RABGAP1L: variants seen among roughly 807,000 people sequenced by gnomAD.
RABGAP1L encodes RAB GTPase activating protein 1 like, also known as rab GTPase-activating protein 1-like.
A neutral mutation model predicts 137.7 loss-of-function variants in RABGAP1L; 63 were observed. The observed-to-expected ratio is 0.46, with a 90% CI of 0.37 to 0.56. The LOEUF (loss-of-function observed/expected upper bound fraction) is 0.56. Ranked by LOEUF, RABGAP1L falls within the 20% of genes least tolerant of loss-of-function variation. The pLI is 0.00. For synonymous variants in RABGAP1L, 431 were observed against 433.7 expected, an observed-to-expected ratio of 0.99 and a Z score of 0.08; for missense variants, 1,095 against 1,244.0, an observed-to-expected ratio of 0.88 and a Z score of 1.80.
intron 4 of RABGAP1L, among the ~76,000 whole-genome samples, chr1:174,239,485 T>A (rs1442814663): frequency 6.6e-6 from 1 of 152,218 alleles, no homozygotes; most frequent in African/African-American, 2.4e-5. Context: ...CCAATGCTTT[T>A]TGTTTCATCT....
In RABGAP1L at chr1:174,173,063, A is replaced by G. The variant is rs1163896821; in HGVS notation, c.-34+13406A>G. Among the ~76,000 whole-genome samples, 3 of 152,234 alleles carry G rather than the reference A, an allele frequency of 2.0e-5. No homozygotes were observed. The East Asian group carries it at 5.8e-4, about 29-fold the overall frequency. Reference sequence around the variant, plus strand: ...AATGTCAGTTGCACTTAGATTGAATATAAATATATAATTATCTGAGTAAGA... The same window carrying G: ...AATGTCAGTTGCACTTAGATTGAATGTAAATATATAATTATCTGAGTAAGA... On this transcript the variant is annotated intron_variant, in intron 1 of 25. Coordinates refer to ENST00000681986, the MANE Select transcript of RABGAP1L (RefSeq NM_001366446.1).
At chr1:174,974,242 G>A (rs1019000729) in intron 21 of RABGAP1L, among the ~76,000 whole-genome samples, 1 of 151,460 alleles carries the variant, frequency 6.6e-6, no homozygotes. Context: ...AGCCTGCCTC[G>A]GCCTCCCAGG....
chr1:174,255,422 G>A (rs138624870), intron 7 of RABGAP1L, among the ~76,000 whole-genome samples: 1 of 152,316 alleles, frequency 6.6e-6, no homozygotes, highest in Non-Finnish European at 1.5e-5. Context: ...AACTAGTAGA[G>A]AGAAGACCTG....
intron 4 of RABGAP1L, among the ~76,000 whole-genome samples, chr1:174,232,509 C>T (rs368469252): frequency 1.2e-4 from 18 of 147,308 alleles, no homozygotes; most frequent in African/African-American, 4.3e-4. Flanking sequence ...AGTGGCCGGG[C>T]GCGGTGGCTC....
chr1:174,195,798 T>TTTCTTTCTTTCTTTCTTTCTTTCTATCC lies in RABGAP1L; in HGVS notation c.-33-23315_-33-23314insTTCTTTCTTTCTATCCTTCTTTCTTTCT, dbSNP rs1163421673. 4.0e-3 allele frequency among the ~76,000 whole-genome samples: 511 copies of TTTCTTTCTTTCTTTCTTTCTTTCTATCC among 128,470 alleles called. 5 individuals carry two copies. The highest frequency in any genetic ancestry group is 6.7e-3 in the South Asian group (24 of 3,590). The allele number at this position is 128,470 out of a possible 152,430, so 84.3% of individuals were successfully genotyped here. On this transcript the variant is annotated intron_variant, in intron 1 of 25. Coordinates refer to ENST00000681986, the MANE Select transcript of RABGAP1L (RefSeq NM_001366446.1). Reference sequence around the variant, plus strand: ...TTCCTTTCTTTCTTTTCTTTCTTTCTTTCTTTCTTTCTATCCTTCTTTCTT... The same window carrying TTTCTTTCTTTCTTTCTTTCTTTCTATCC: ...TTCCTTTCTTTCTTTTCTTTCTTTCTTTCTTTCTTTCTTTCTTTCTTTCTATCCTTCTTTCTTTCTATCCTTCTTTCTT...
chr1:174,759,641 C>G (rs889505603), intron 18 of RABGAP1L, among the ~76,000 whole-genome samples: 2 of 151,744 alleles, frequency 1.3e-5, no homozygotes, highest in African/African-American at 4.8e-5. Context: ...GCTTACAGTT[C>G]AACAGGTTAT....
At chr1:174,176,734 A>AT (rs1475323168) in intron 1 of RABGAP1L, among the ~76,000 whole-genome samples, 17 of 145,548 alleles carry the variant, frequency 1.2e-4, no homozygotes, top group African/African-American at 2.6e-4. Context: ...AAAAAAAAAA[A>AT]AAAAAAAAAA....
At chr1:174,550,997 C>CATATATATATATACATAT (rs1252681895) in intron 13 of RABGAP1L, among the ~76,000 whole-genome samples, 1 of 92,172 alleles carries the variant, frequency 1.1e-5, no homozygotes, top group African/African-American at 8.1e-5. Context: ...TATATATATA[C>CATATATATATATACATAT]ACATATATAT....
chr1:174,755,164 G>C (rs1684641056), intron 18 of RABGAP1L, among the ~76,000 whole-genome samples: 1 of 152,178 alleles, frequency 6.6e-6, no homozygotes, highest in Non-Finnish European at 1.5e-5. Context: ...GTGTTGCTCA[G>C]TTAGGTTTTA....
intron 18 of RABGAP1L, among the ~76,000 whole-genome samples, chr1:174,792,918 A>G (rs565479518): frequency 6.6e-6 from 1 of 152,292 alleles, no homozygotes; most frequent in African/African-American, 2.4e-5. Context: ...GGATCATCTG[A>G]GGTCAGGAGT....
chr1:174,516,529 C>G (rs911319601), intron 13 of RABGAP1L, among the ~76,000 whole-genome samples: 1 of 151,874 alleles, frequency 6.6e-6, no homozygotes, highest in African/African-American at 2.4e-5. Flanking sequence ...CTGTCTTTTT[C>G]AATATTAATT....
intron 13 of RABGAP1L, among the ~76,000 whole-genome samples, chr1:174,456,329 G>T (rs1011049218): frequency 3.3e-5 from 5 of 152,058 alleles, no homozygotes; most frequent in Non-Finnish European, 1.5e-5. Context: ...AACAGTGTTT[G>T]CTGTGTATTC....
chr1:174,296,493 T>C (rs1005173348), intron 10 of RABGAP1L, among the ~76,000 whole-genome samples: 2 of 152,368 alleles, frequency 1.3e-5, no homozygotes, highest in East Asian at 1.9e-4. Context: ...TAAAAACTGC[T>C]TGTCGCCAAC....
intron 11 of RABGAP1L, among the ~76,000 whole-genome samples, chr1:174,338,045 C>CT (rs137953285): frequency 1.2e-3 from 181 of 152,242 alleles, no homozygotes; most frequent in African/African-American, 4.1e-3. Flanking sequence ...TGCTGTGGGA[C>CT]TAATTAAGGG....
At chr1:174,603,628 G>A (rs1670574973) in intron 13 of RABGAP1L, among the ~76,000 whole-genome samples, 2 of 152,014 alleles carry the variant, frequency 1.3e-5, no homozygotes, top group Admixed American at 1.3e-4. Context: ...AGTATAAAGA[G>A]CCTGTTGTAA....
chr1:174,516,120 T>TACGCACACACAC (rs1662812427), intron 13 of RABGAP1L, among the ~76,000 whole-genome samples: 1 of 133,234 alleles, frequency 7.5e-6, no homozygotes, highest in African/African-American at 3.0e-5. Flanking sequence ...ACTGAAGCTC[T>TACGCACACACAC]ACACACACAC....
chr1:174,271,901 T>C (rs976815604), intron 7 of RABGAP1L, among the ~76,000 whole-genome samples: 3 of 151,482 alleles, frequency 2.0e-5, no homozygotes, highest in Non-Finnish European at 4.4e-5. Context: ...AAACTGAGGA[T>C]ATAGTATTAA....
intron 19 of RABGAP1L, among the ~76,000 whole-genome samples, chr1:174,864,487 C>A (rs1650860631): frequency 6.6e-6 from 1 of 152,162 alleles, no homozygotes; most frequent in Non-Finnish European, 1.5e-5. Flanking sequence ...GAAGGGGAAG[C>A]AAACATGTTC....
intron 14 of RABGAP1L, among the ~76,000 whole-genome samples, chr1:174,682,271 ACT>A (rs148219630): frequency 2.2e-3 from 315 of 140,232 alleles, no homozygotes; most frequent in Admixed American, 2.4e-3. Context: ...ACAAAGCAAA[ACT>A]CTCTCTCTCT....
Sources: gnomAD v4.1 joint callset for allele counts (sites outside exome capture counted in the v4.1 genomes callset) on GRCh38, gnomAD v4.1.1 for gene constraint, MANE v1.5 for transcripts, NCBI Gene and HGNC (gene_info 2026-07-23, HGNC 2026-07-21) for gene names.